The following RBFOX1 variants were observed in gnomAD, a reference collection of about 807,000 sequenced individuals.
RBFOX1 encodes RNA binding protein fox-1 homolog 1.
A neutral mutation model predicts 57.7 loss-of-function variants in RBFOX1; 8 were observed. The ratio of observed to expected loss-of-function variants is 0.14; its 90% CI spans 0.08 to 0.25. The LOEUF is 0.25. RBFOX1 is among the 10% of genes least tolerant of loss of function. The pLI is 1.00. For missense variants in RBFOX1, 611 were observed against 548.5 expected (o/e 1.11, Z -1.14); for synonymous variants, 326 against 222.4 (o/e 1.47, Z -4.15).
chr16:6,644,110 A>G (rs145109320), intron 2 of RBFOX1, among the ~76,000 whole-genome samples: 1 of 152,310 alleles, frequency 6.6e-6, no homozygotes, highest in Non-Finnish European at 1.5e-5. Flanking sequence ...TGGGCAACAG[A>G]GCGAGACTCC....
intron 4 of RBFOX1, among the ~76,000 whole-genome samples, chr16:7,226,960 G>C (rs1430253751): frequency 6.6e-6 from 1 of 152,148 alleles, no homozygotes; most frequent in Non-Finnish European, 1.5e-5. Flanking sequence ...TTTTATGTAA[G>C]AATATGAATT....
chr16:5,747,743 G>T (rs1488218667), intron 3 of RBFOX1, among the ~76,000 whole-genome samples: 1 of 152,082 alleles, frequency 6.6e-6, no homozygotes, highest in Admixed American at 6.5e-5. Context: ...ATTATTTATT[G>T]TGTCTATTTG....
chr16:5,534,235 A>G (rs1001679096), intron 2 of RBFOX1, among the ~76,000 whole-genome samples: 7 of 152,170 alleles, frequency 4.6e-5, no homozygotes, highest in African/African-American at 1.7e-4. Context: ...TTTGTCATCT[A>G]CCAAGTCATA....
At chr16:7,079,275 G>A (rs1598889658) in intron 4 of RBFOX1, among the ~76,000 whole-genome samples, 1 of 152,148 alleles carries the variant, frequency 6.6e-6, no homozygotes, top group Non-Finnish European at 1.5e-5. Flanking sequence ...GCCCCAACTG[G>A]AGCTTGCAAA....
intron 12 of RBFOX1, 50 bp downstream of exon 12, chr16:7,653,997 C>G: frequency 1.4e-6 from 2 of 1,443,028 alleles, no homozygotes; most frequent in Non-Finnish European, 1.8e-6. Flanking sequence ...GCCCTCCCTC[C>G]CCAGAGGCAC....
At chr16:7,280,642 G>C (rs1338339659) in intron 4 of RBFOX1, among the ~76,000 whole-genome samples, 1 of 152,156 alleles carries the variant, frequency 6.6e-6, no homozygotes, top group African/African-American at 2.4e-5. Flanking sequence ...GAGTGGCTGG[G>C]GCAGTCAACT....
intron 4 of RBFOX1, among the ~76,000 whole-genome samples, chr16:7,514,656 G>A (rs546786802): frequency 6.6e-6 from 1 of 152,240 alleles, no homozygotes; most frequent in East Asian, 1.9e-4. Flanking sequence ...GTTGGGCAAG[G>A]GGGTAGGTGA....
At chr16:6,984,267 C>G (rs4289011) in intron 3 of RBFOX1, among the ~76,000 whole-genome samples, 1 of 151,840 alleles carries the variant, frequency 6.6e-6, no homozygotes, top group South Asian at 2.1e-4. Flanking sequence ...ATAAAATAAT[C>G]CTGGATCCTC....
intron 2 of RBFOX1, among the ~76,000 whole-genome samples, chr16:6,556,395 A>C (rs192220237): frequency 1.3e-4 from 20 of 152,286 alleles, no homozygotes; most frequent in African/African-American, 3.4e-4. Flanking sequence ...GATGATGGCA[A>C]ATGTTGAATG....
At chr16:7,458,080 C>T (rs1043956422) in intron 4 of RBFOX1, among the ~76,000 whole-genome samples, 3 of 152,124 alleles carry the variant, frequency 2.0e-5, no homozygotes, top group African/African-American at 7.2e-5. Flanking sequence ...ATTCACCTTC[C>T]AAATCAGAAC....
intron 2 of RBFOX1, among the ~76,000 whole-genome samples, chr16:6,564,485 T>TAAAC (rs1018118486): frequency 6.6e-6 from 1 of 151,484 alleles, no homozygotes; most frequent in South Asian, 2.1e-4. Context: ...CAAACAAAAA[T>TAAAC]AAACAAACAA....
chr16:6,924,052 C>G (rs1041792419), intron 3 of RBFOX1, among the ~76,000 whole-genome samples: 4 of 151,814 alleles, frequency 2.6e-5, no homozygotes, highest in African/African-American at 9.7e-5. Flanking sequence ...TACCTGTAGT[C>G]CCAGCTTCTC....
intron 4 of RBFOX1, among the ~76,000 whole-genome samples, chr16:7,238,997 A>C (rs1246578084): frequency 6.6e-6 from 1 of 152,150 alleles, no homozygotes; most frequent in Non-Finnish European, 1.5e-5. Context: ...GCTGCATAGC[A>C]CCCCACAGTA....
At chr16:5,601,946 T>C (rs1272703989), downstream of RBFOX1, among the ~76,000 whole-genome samples, 2 of 152,190 alleles carry the variant, frequency 1.3e-5, no homozygotes, top group African/African-American at 4.8e-5. Context: ...GGCTGATGTG[T>C]TCTCTCTAGT....
At chr16:5,357,613 T>C (rs2065426596) in intron 1 of RBFOX1, among the ~76,000 whole-genome samples, 1 of 152,184 alleles carries the variant, frequency 6.6e-6, no homozygotes, top group Non-Finnish European at 1.5e-5. Context: ...GATTCTAAAC[T>C]TGTAACAAAC....
At chr16:6,630,360 T>C (rs773943539) in intron 2 of RBFOX1, among the ~76,000 whole-genome samples, 12 of 152,148 alleles carry the variant, frequency 7.9e-5, no homozygotes, top group Non-Finnish European at 1.8e-4. Flanking sequence ...TCCATCCATT[T>C]CTGCAGCAGA....
At chr16:6,900,352 T>A (rs368798088) in intron 3 of RBFOX1, among the ~76,000 whole-genome samples, 3 of 152,362 alleles carry the variant, frequency 2.0e-5, no homozygotes, top group African/African-American at 7.2e-5. Flanking sequence ...CAAAATCCTT[T>A]AGGGATCCTT....
chr16:6,478,776 A>T (rs1323400923), intron 2 of RBFOX1, among the ~76,000 whole-genome samples: 1 of 152,078 alleles, frequency 6.6e-6, no homozygotes, highest in Non-Finnish European at 1.5e-5. Context: ...GTCAGAACAC[A>T]CACAATCTTT....
At chr16:5,607,221 C>T (rs56189167) in intron 3 of RBFOX1, among the ~76,000 whole-genome samples, 8,067 of 152,174 alleles carry the variant, frequency 0.053, 292 homozygotes, top group African/African-American at 0.1. Flanking sequence ...AGTGTGCGGA[C>T]GAGATAACGG....
Sources: gnomAD v4.1 joint callset for allele counts (sites outside exome capture counted in the v4.1 genomes callset) on GRCh38, gnomAD v4.1.1 for gene constraint, MANE v1.5 for transcripts, NCBI Gene and HGNC (gene_info 2026-07-23, HGNC 2026-07-21) for gene names.